ZFPM2: variants seen among roughly 807,000 people sequenced by gnomAD.
ZFPM2 encodes zinc finger protein ZFPM2.
ZFPM2 carries 20 observed loss-of-function variants against 98.6 expected under a neutral mutation model. The observed-to-expected ratio is 0.20, with a 90% CI of 0.14 to 0.29. The LOEUF (loss-of-function observed/expected upper bound fraction) is 0.29. ZFPM2 is among the 10% of genes least tolerant of loss of function. The probability of loss-of-function intolerance (pLI) is 1.00; values close to 1 mark genes in which losing one functional copy is unlikely to be tolerated. For missense variants in ZFPM2, 1,310 were observed against 1,388.6 expected (o/e 0.94, Z 0.90); for synonymous variants, 518 against 502.7 (o/e 1.03, Z -0.41).
At chr8:105,445,990 G>A (rs1020629910) in intron 3 of ZFPM2, among the ~76,000 whole-genome samples, 57 of 151,342 alleles carry the variant, frequency 3.8e-4, no homozygotes, top group African/African-American at 1.3e-3. Context: ...GCATGATCTC[G>A]GCTCACCACA....
At chr8:105,366,555 C>T (rs1007859713) in intron 1 of ZFPM2, among the ~76,000 whole-genome samples, 4 of 151,502 alleles carry the variant, frequency 2.6e-5, no homozygotes, top group African/African-American at 9.7e-5. Flanking sequence ...TTTTAGGGTA[C>T]ATGTGCACAT....
chr8:105,798,275 A>AC (rs34544590), intron 6 of ZFPM2: 27,219 of 154,516 alleles, frequency 0.18, 4,326 homozygotes, highest in African/African-American at 0.43. Flanking sequence ...ACATGGAGAA[A>AC]CCTGTTTCTA....
At chr8:105,560,023 C>T (rs1395274623) in intron 3 of ZFPM2, among the ~76,000 whole-genome samples, 1 of 151,954 alleles carries the variant, frequency 6.6e-6, no homozygotes, top group Admixed American at 6.6e-5. Context: ...ACCTGACCAA[C>T]ATGAAGAAAC....
chr8:105,779,133 A>AT (rs1813184826), intron 5 of ZFPM2, among the ~76,000 whole-genome samples: 3 of 152,256 alleles, frequency 2.0e-5, no homozygotes, highest in East Asian at 3.9e-4. Context: ...TTGTATTGTT[A>AT]GTGAGGATGT....
At chr8:105,501,663 C>T (rs1813598286) in intron 3 of ZFPM2, among the ~76,000 whole-genome samples, 1 of 150,774 alleles carries the variant, frequency 6.6e-6, no homozygotes, top group South Asian at 2.1e-4. Flanking sequence ...ACCACCACTC[C>T]TGGCTAATTT....
In ZFPM2 at chr8:105,766,503, G is replaced by A. The variant is rs533653989; in HGVS notation, c.533-22215G>A. On this transcript the variant is annotated intron_variant, in intron 5 of 7. Transcript: ENST00000407775. ...CAGCCACACATTCTTGCATAAGTGC[G>A]CAGCTCTGGTTGGAAAAATACAAGG... is the stretch of plus-strand genomic sequence containing the variant. Among the ~76,000 whole-genome samples, 46 of 151,936 alleles carry A rather than the reference G, an allele frequency of 3.0e-4. 1 individual carries two copies. In the South Asian group the frequency reaches 6.4e-3, roughly 21 times the overall value.
chr8:105,535,915 T>G (rs552447574), intron 3 of ZFPM2, among the ~76,000 whole-genome samples: 1 of 152,218 alleles, frequency 6.6e-6, no homozygotes, highest in Non-Finnish European at 1.5e-5. Flanking sequence ...ATACAATCAT[T>G]ATTTTTATAT....
intron 3 of ZFPM2, among the ~76,000 whole-genome samples, chr8:105,498,874 C>G (rs543156342): frequency 2.0e-5 from 3 of 152,124 alleles, no homozygotes; most frequent in Non-Finnish European, 4.4e-5. Context: ...GCCATTATGG[C>G]CAGCCTACTA....
rs528277549 is a variant in ZFPM2, at chr8:105,735,517, A to G, written c.533-53201A>G. On this transcript the variant is annotated intron_variant, in intron 5 of 7. Transcript: ENST00000407775. ...TGAAAACAATTTTTAAAGCCCCAGT[A>G]TGAAAACAATGTTTAGGAAAGATCA... Among the ~76,000 whole-genome samples, 266 of 152,062 alleles carry G rather than the reference A, an allele frequency of 1.7e-3. 1 individual carries two copies. The highest frequency in any genetic ancestry group is 5.8e-3 in the African/African-American group (241 of 41,530).
At chr8:105,417,262 A>G (rs916551942) in intron 1 of ZFPM2, among the ~76,000 whole-genome samples, 1 of 152,198 alleles carries the variant, frequency 6.6e-6, no homozygotes, top group African/African-American at 2.4e-5. Context: ...CAAAATGAAA[A>G]TAGTCATAAT....
chr8:105,403,216 C>T (rs1453998753), intron 1 of ZFPM2, among the ~76,000 whole-genome samples: 2 of 151,952 alleles, frequency 1.3e-5, no homozygotes, highest in East Asian at 3.9e-4. Flanking sequence ...TAGTGTTATA[C>T]CTACTGCTAA....
At chr8:105,747,058 A>G (rs748811012) in intron 5 of ZFPM2, among the ~76,000 whole-genome samples, 33 of 152,112 alleles carry the variant, frequency 2.2e-4, no homozygotes, top group Admixed American at 2.6e-4. Flanking sequence ...ATTTCAGCAT[A>G]TAAACACAAG....
chr8:105,322,001 A>T (rs924278129), intron 1 of ZFPM2, among the ~76,000 whole-genome samples: 1 of 151,494 alleles, frequency 6.6e-6, no homozygotes, highest in African/African-American at 2.4e-5. Flanking sequence ...CAAAATTCAG[A>T]TTTTTTTTTC....
intron 5 of ZFPM2, among the ~76,000 whole-genome samples, chr8:105,648,747 T>C (rs1169747694): frequency 6.6e-6 from 1 of 152,242 alleles, no homozygotes; most frequent in African/African-American, 2.4e-5. Context: ...ATCTCTGTTT[T>C]GGTACCAGTA....
At chr8:105,764,021 G>A (rs1812798176) in intron 5 of ZFPM2, among the ~76,000 whole-genome samples, 1 of 151,678 alleles carries the variant, frequency 6.6e-6, no homozygotes. Flanking sequence ...TCTGGAAATG[G>A]GAGCATACTA....
At chr8:105,574,368 A>T (rs1815418448) in intron 4 of ZFPM2, among the ~76,000 whole-genome samples, 1 of 152,212 alleles carries the variant, frequency 6.6e-6, no homozygotes, top group Non-Finnish European at 1.5e-5. Context: ...CTGCCTTTTG[A>T]ATGATCTTGG....
intron 4 of ZFPM2, among the ~76,000 whole-genome samples, chr8:105,633,674 A>T (rs537859006): frequency 6.6e-6 from 1 of 152,276 alleles, no homozygotes; most frequent in Admixed American, 6.5e-5. Context: ...CTTTCTGGAG[A>T]CAATGTATGG....
At chr8:105,492,682 G>A (rs1352919325) in intron 3 of ZFPM2, among the ~76,000 whole-genome samples, 1 of 152,076 alleles carries the variant, frequency 6.6e-6, no homozygotes, top group Non-Finnish European at 1.5e-5. Flanking sequence ...ATTTAATAGA[G>A]GTTTTGAGTA....
At chr8:105,397,226 T>A (rs536327289) in intron 1 of ZFPM2, among the ~76,000 whole-genome samples, 1 of 152,242 alleles carries the variant, frequency 6.6e-6, no homozygotes, top group African/African-American at 2.4e-5. Flanking sequence ...AGTATTGATG[T>A]CATAGTAAAG....
Sources: allele counts gnomAD v4.1 joint callset (sites outside exome capture counted in the v4.1 genomes callset), GRCh38; gene constraint gnomAD v4.1.1; transcripts MANE v1.5; gene names NCBI Gene and HGNC (gene_info 2026-07-23, HGNC 2026-07-21).